ARL10: variants seen among roughly 807,000 people sequenced by gnomAD.
ARL10 encodes ADP-ribosylation factor-like protein 10.
ARL10 carries 23 observed loss-of-function variants against 26.1 expected under a neutral mutation model. The ratio of observed to expected loss-of-function variants is 0.88; its 90% CI spans 0.63 to 1.25. ARL10 has a LOEUF of 1.25. Ranked by LOEUF, ARL10 falls within the 50% of genes most tolerant of loss-of-function variation. The pLI is 0.00. For missense variants in ARL10, 300 were observed against 323.6 expected, an observed-to-expected ratio of 0.93 and a Z score of 0.56; for synonymous variants, 138 against 149.1, an observed-to-expected ratio of 0.93 and a Z score of 0.54.
downstream of ARL10, chr5:176,392,657 G>A (rs1263563615): frequency 2.4e-5 from 29 of 1,208,384 alleles, no homozygotes; most frequent in Non-Finnish European, 3.3e-5. The surrounding 1 kb of genome is among the most constrained non-coding windows in gnomAD (Gnocchi z 5.2). Context: ...TGGAGATGGG[G>A]AGGAGTGGAA....
the ARL10 span, among the ~76,000 whole-genome samples, chr5:176,411,972 C>A: frequency 6.6e-6 from 1 of 151,886 alleles, no homozygotes; most frequent in African/African-American, 2.4e-5. Context: ...GTCAGGAGAT[C>A]GAGACCATCC....
intron 3 of ARL10, among the ~76,000 whole-genome samples, chr5:176,370,260 G>T (rs1354004696): frequency 6.6e-6 from 1 of 152,170 alleles, no homozygotes; most frequent in Non-Finnish European, 1.5e-5. Flanking sequence ...CTTGAACTCA[G>T]ATATTCTTCA....
chr5:176,392,496 A>G (rs535956590), downstream of ARL10: 3 of 414,524 alleles, frequency 7.2e-6, no homozygotes, highest in South Asian at 1.6e-4. This position sits in a 1 kb window ranked among gnomAD's most constrained non-coding sequence, Gnocchi z 5.2. Context: ...TAAGTGTAAA[A>G]AGAGTCAACA....
downstream of ARL10, chr5:176,389,625 A>G: frequency 9.7e-7 from 1 of 1,034,046 alleles, no homozygotes; most frequent in Non-Finnish European, 1.4e-6. Context: ...GGAGGAAGTG[A>G]CCCTTTGTGT....
intron 3 of ARL10, 59 bp downstream of exon 3, chr5:176,369,041 A>G: frequency 6.3e-7 from 1 of 1,593,530 alleles, no homozygotes; most frequent in Non-Finnish European, 8.5e-7. Flanking sequence ...ATGCTTGGGC[A>G]GGGGCAAGGA....
At chr5:176,392,585 G>T (rs1756301190), downstream of ARL10, 2 of 608,388 alleles carry the variant, frequency 3.3e-6, no homozygotes, top group African/African-American at 1.8e-5. This position sits in a 1 kb window ranked among gnomAD's most constrained non-coding sequence, Gnocchi z 5.2. Flanking sequence ...GGCGTGAGGG[G>T]CTGGACCAGA....
chr5:176,371,401 G>C (rs1225080941), intron 3 of ARL10, among the ~76,000 whole-genome samples: 1 of 152,158 alleles, frequency 6.6e-6, no homozygotes, highest in Non-Finnish European at 1.5e-5. Context: ...GGCTAATGAT[G>C]CAATGAAAAG....
downstream of ARL10, among the ~76,000 whole-genome samples, chr5:176,393,547 G>A (rs961195041): frequency 6.6e-6 from 1 of 152,154 alleles, no homozygotes; most frequent in Non-Finnish European, 1.5e-5. The surrounding 1 kb of genome is among the most constrained non-coding windows in gnomAD (Gnocchi z 4.4). Flanking sequence ...TGCTGTGTGC[G>A]TCGTGACCCT....
chr5:176,389,297 C>G, downstream of ARL10: 2 of 1,594,908 alleles, frequency 1.3e-6, no homozygotes, highest in Non-Finnish European at 1.7e-6. Context: ...GGGGCCCGAC[C>G]TGCTGTTTCC....
At chr5:176,371,452 T>C (rs983415521) in intron 3 of ARL10, among the ~76,000 whole-genome samples, 2 of 152,062 alleles carry the variant, frequency 1.3e-5, no homozygotes, top group Admixed American at 6.5e-5. Flanking sequence ...GGAGAGAGCA[T>C]TGAGTTTAGG....
downstream of ARL10, chr5:176,388,824 C>G: frequency 6.2e-7 from 1 of 1,613,464 alleles, no homozygotes; most frequent in Non-Finnish European, 8.5e-7. Flanking sequence ...CCGGACATGG[C>G]GACTCCCGGC....
chr5:176,396,561 A>G, intron 1 of ARL10: 1 of 1,581,310 alleles, frequency 6.3e-7, no homozygotes, highest in Non-Finnish European at 8.7e-7. Flanking sequence ...GGAAGGGGTT[A>G]GGTGGGGGAA....
At chr5:176,383,239 CT>C (rs887630039), downstream of ARL10, among the ~76,000 whole-genome samples, 3 of 152,214 alleles carry the variant, frequency 2.0e-5, no homozygotes, top group Admixed American at 6.5e-5. Flanking sequence ...CCAAGCCCTC[CT>C]TTTTGAGAAC....
At chr5:176,399,865 G>A (rs1264606469) in intron 1 of ARL10, among the ~76,000 whole-genome samples, 2 of 143,362 alleles carry the variant, frequency 1.4e-5, no homozygotes, top group Non-Finnish European at 3.0e-5. Context: ...GCCACAGAGT[G>A]AGACTTGGTC....
At chr5:176,366,083 C>A (rs1768287405) in intron 1 of ARL10, among the ~76,000 whole-genome samples, 1 of 152,182 alleles carries the variant, frequency 6.6e-6, no homozygotes, top group Non-Finnish European at 1.5e-5. Flanking sequence ...CCTCCGGCGC[C>A]TGCGCAGTGC....
At chr5:176,366,243 C>A in intron 1 of ARL10, 137 bp from the exon 2 acceptor site, 1 of 1,022,416 alleles carries the variant, frequency 9.8e-7, no homozygotes, top group Non-Finnish European at 1.4e-6. Flanking sequence ...CGGCGTTCGT[C>A]CCACTCATCC....
rs534140982 is a variant in ARL10, at chr5:176,396,132, T to C, written c.134-5609T>C. The stretch of plus-strand genomic sequence containing the variant: ...CCTGAGCAGCAAGAGCGAAACTCCA[T>C]CTCAAAAAACAAAAAACCCTTCACC... On this transcript the variant is annotated intron_variant, in intron 1 of 1. Coordinates refer to the ARL10 transcript ENST00000514533. Among the ~76,000 whole-genome samples, 315 of 152,112 alleles carry C rather than the reference T, an allele frequency of 2.1e-3. 4 individuals carry two copies. The highest frequency in any genetic ancestry group is 6.8e-3 in the African/African-American group (282 of 41,498).
At chr5:176,406,405 G>A, downstream of ARL10, 1 of 1,160,960 alleles carries the variant, frequency 8.6e-7, no homozygotes, top group East Asian at 7.1e-5. Context: ...ACCCACACCA[G>A]CCAAGCGTGT....
intron 1 of ARL10, among the ~76,000 whole-genome samples, chr5:176,396,084 G>A (rs535874136): frequency 2.9e-4 from 44 of 152,234 alleles, no homozygotes; most frequent in African/African-American, 9.1e-4. Context: ...GCAGTGAGCC[G>A]AGATCGCAGC....
Sources: allele counts gnomAD v4.1 joint callset (sites outside exome capture counted in the v4.1 genomes callset), GRCh38; gene constraint gnomAD v4.1.1; non-coding constraint Gnocchi (gnomAD v3.1); transcripts MANE v1.5; gene names NCBI Gene and HGNC (gene_info 2026-07-23, HGNC 2026-07-21).